Variants in SPTBN4 observed in about 807,000 individuals in gnomAD.
SPTBN4 encodes the protein spectrin beta, non-erythrocytic 4.
Under a neutral mutation model 277.8 loss-of-function variants are expected in SPTBN4, and 96 were observed. The ratio of observed to expected loss-of-function variants is 0.35; its 90% confidence interval spans 0.29 to 0.41. The LOEUF is 0.41. SPTBN4 is among the 10% of genes least tolerant of loss of function. SPTBN4 has a pLI of 1.00. For missense variants in SPTBN4, 3,006 were observed against 3,595.7 expected, an observed-to-expected ratio of 0.84 and a Z score of 4.19; for synonymous variants, 1,481 against 1,580.3, an observed-to-expected ratio of 0.94 and a Z score of 1.49.
At position 40,473,725 on chromosome 19, in the gene SPTBN4, C is replaced by A. The variant is rs551180453; in HGVS notation, c.169+935C>A. Among the ~76,000 whole-genome samples, 7 of 152,092 alleles carry A rather than the reference C, an allele frequency of 4.6e-5. No homozygotes were observed. The East Asian group carries it at 1.4e-3, about 29-fold the overall frequency. ...TGTATAGGTCAGCACAGCCTTAGAG[C>A]CTTAGAAATGTACAGTCCCAGAATG... On this transcript the variant is annotated intron_variant, in intron 2 of 35. Transcript: ENST00000598249.
In SPTBN4 at chr19:40,472,735, T is replaced by G; in HGVS notation, c.114T>G (p.Ala38=). The G allele has an allele frequency of 6.2e-7, 1 of 1,605,854 alleles. No homozygotes were observed. Among genetic ancestry groups the G allele is most frequent in the Non-Finnish European group, 8.5e-7 (1 of 1,176,178 alleles). Residue 38 remains alanine, a synonymous_variant, in exon 2 of 36, where the codon GCT becomes GCG. Coordinates refer to ENST00000598249, the MANE Select transcript of SPTBN4 (RefSeq NM_020971.3). ...PDRGWEREQP[A]ASTAAASLFE... is the part of the protein sequence containing the mutation. The stretch of plus-strand genomic sequence containing the variant: ...GGGGCTGGGAGCGGGAGCAGCCGGC[T>G]GCGTCCACCGCAGCGGCCTCGCTCT...
intron 20 of SPTBN4, among the ~76,000 whole-genome samples, chr19:40,542,158 G>T (rs1042364999): frequency 3.9e-5 from 6 of 152,306 alleles, no homozygotes; most frequent in Non-Finnish European, 1.5e-5. Context: ...CTGACCTCAG[G>T]TGATCTGCCT....
At chr19:40,571,902 G>A in intron 33 of SPTBN4, 117 bp from the exon 34 acceptor site, 2 of 1,239,324 alleles carry the variant, frequency 1.6e-6, no homozygotes, top group Non-Finnish European at 1.1e-6. Context: ...GGCGCAACTA[G>A]GGCGCAAAGG....
chr19:40,506,394 TTGGGGC>T lies in SPTBN4; in HGVS notation c.1816+22_1816+27del, dbSNP rs765087022. 39 of 1,608,904 alleles carry T rather than the reference TTGGGGC, an allele frequency of 2.4e-5. No individual in the cohort carries two copies. In the Admixed American group the frequency reaches 6.2e-4, roughly 26 times the overall value. On this transcript the variant is annotated intron_variant, in intron 13 of 35. Transcript: ENST00000598249. Reference sequence around the variant, plus strand: ...GCTTCTCCCAGCTGCAGGGTGAGTCTTGGGGCTGGGGCTGGGGCTATGGGTGGAGAC... The same window carrying T: ...GCTTCTCCCAGCTGCAGGGTGAGTCTTGGGGCTGGGGCTATGGGTGGAGAC...
intron 4 of SPTBN4, among the ~76,000 whole-genome samples, chr19:40,492,420 G>A (rs1485974775): frequency 6.6e-6 from 1 of 152,150 alleles, no homozygotes; most frequent in Non-Finnish European, 1.5e-5. Flanking sequence ...AAAGGACCAA[G>A]GAGGGAGGAT....
chr19:40,470,143 T>A (rs375129866), intron 1 of SPTBN4, among the ~76,000 whole-genome samples: 13 of 147,888 alleles, frequency 8.8e-5, no homozygotes, highest in African/African-American at 3.3e-4. Context: ...GGATTATAGG[T>A]GCACAATGCC....
intron 33 of SPTBN4, 141 bp downstream of exon 33, chr19:40,570,869 G>GGGT (rs1415534594): frequency 8.7e-6 from 8 of 924,476 alleles, no homozygotes; most frequent in African/African-American, 1.8e-5. Context: ...CAGAGCTGGG[G>GGGT]GGTGGTGGTG....
rs377536065 is a variant in SPTBN4 at position 40,515,352 on chromosome 19, G to A, written c.2807G>A (p.Arg936His). The part of the protein sequence containing the change: ...LDQEMNSLMG[R>H]VLDVNHTVQE... ...CAAGAGATGAACAGCCTGATGGGCC[G>A]CGTTCTGGACGTGAACCACACAGTC... The change falls in exon 15 of 36, where the codon CGC (arginine) becomes CAC (histidine). Residue 936 changes from arginine (R) to histidine (H), a missense_variant. Transcript: ENST00000598249. This position sits in a 1 kb window ranked among gnomAD's most constrained non-coding sequence, Gnocchi z 4.1. 4 of 1,611,094 alleles carry A rather than the reference G, an allele frequency of 2.5e-6. No homozygotes were observed. Among genetic ancestry groups the A allele is most frequent in the Admixed American group, 1.7e-5 (1 of 59,606 alleles).
intron 7 of SPTBN4, among the ~76,000 whole-genome samples, chr19:40,498,929 T>C (rs1335513492): frequency 6.6e-6 from 1 of 152,006 alleles, no homozygotes; most frequent in Non-Finnish European, 1.5e-5. Context: ...CTCAAACTCC[T>C]GACCTCAGGT....
rs149453969 is a variant in SPTBN4 at position 40,557,121 on chromosome 19, G to A, written c.5388G>A (p.Glu1796=). 6.2e-7 allele frequency: 1 copy of A among 1,610,836 alleles called. No homozygotes were observed. Among genetic ancestry groups the A allele is most frequent in the Non-Finnish European group, 8.5e-7 (1 of 1,177,540 alleles). Reference sequence around the variant, plus strand: ...ACCAGATGGTGGATGAGCTGATCGAGTGTGGCCATACAGCAGCGGCCACCA... The same window carrying A: ...ACCAGATGGTGGATGAGCTGATCGAATGTGGCCATACAGCAGCGGCCACCA... ...AVNQMVDELI[E]CGHTAAATMA... The change falls in exon 26 of 36, where the codon GAG becomes GAA. Residue 1796 remains glutamate, a synonymous_variant. Transcript: ENST00000598249.
intron 20 of SPTBN4, among the ~76,000 whole-genome samples, chr19:40,544,490 C>T (rs1444809792): frequency 6.6e-5 from 7 of 105,534 alleles, no homozygotes; most frequent in Admixed American, 4.2e-4. Flanking sequence ...TTTTGTTGCC[C>T]GGGCTGGAGT....
chr19:40,519,971 C>G lies in SPTBN4; in HGVS notation c.3474C>G (p.Ala1158=), dbSNP rs1599759507. Residue 1158 remains alanine (A), a synonymous_variant, in exon 16 of 36, where the codon GCC becomes GCG. Coordinates refer to ENST00000598249, the MANE Select transcript of SPTBN4 (RefSeq NM_020971.3). The surrounding 1 kb of genome is among the most constrained non-coding windows in gnomAD (Gnocchi z 5.7). ...RIVAASEALL[A]ADGAELGPGL... ...TGGCGGCCAGCGAGGCGCTGCTGGC[C>G]GCCGACGGCGCAGAGCTGGGCCCGG... The G allele has an allele frequency of 2.6e-6, 4 of 1,538,678 alleles. No homozygotes were observed. The highest frequency in any genetic ancestry group is 3.5e-6 in the Non-Finnish European group (4 of 1,150,088).
chr19:40,518,710 C>T (rs1478428489), intron 15 of SPTBN4, among the ~76,000 whole-genome samples: 3 of 152,132 alleles, frequency 2.0e-5, no homozygotes, highest in African/African-American at 7.2e-5. Flanking sequence ...AGGTGTGAAC[C>T]ACTGCACCCG....
chr19:40,542,833 CAG>C (rs1281825307), intron 20 of SPTBN4, among the ~76,000 whole-genome samples: 6 of 151,560 alleles, frequency 4.0e-5, no homozygotes, highest in Admixed American at 1.3e-4. Context: ...TTTTTTGAGA[CAG>C]AGTCTCACTC....
At chr19:40,510,609 TGTTGTTATTGTAACTATTATTCA>T in intron 13 of SPTBN4, among the ~76,000 whole-genome samples, 1 of 152,322 alleles carries the variant, frequency 6.6e-6, no homozygotes. Context: ...AGCAAGAAGC[TGTTGTTATTGTAACTATTATTCA>T]GTTGGATACC....
chr19:40,516,167 GGTAGAGATTGCAGTGA>G (rs2080458082), intron 15 of SPTBN4, among the ~76,000 whole-genome samples: 1 of 149,592 alleles, frequency 6.7e-6, no homozygotes, highest in African/African-American at 2.5e-5. Flanking sequence ...GAGCCCAGGA[GGTAGAGATTGCAGTGA>G]GCAGAGATTG....
intron 33 of SPTBN4, 136 bp downstream of exon 33, chr19:40,570,864 C>A: frequency 1.2e-6 from 1 of 857,654 alleles, no homozygotes; most frequent in South Asian, 3.3e-5. Flanking sequence ...GGGGCCAGAG[C>A]TGGGGGGTGG....
Position 40,487,682 on chromosome 19 carries a change from G to T in SPTBN4, c.170-15G>T. The T allele has an allele frequency of 6.2e-7, 1 of 1,605,466 alleles. No individual in the cohort carries two copies. ...GGTGGAAGCGCCTGGGGGCTCATCA[G>T]GGCCTCTCCTCCAGATGAGCGGGAA... On this transcript the variant is annotated splice_polypyrimidine_tract_variant and intron_variant, in intron 2 of 35. Transcript: ENST00000598249.
At chr19:40,532,916 C>T (rs1354134516) in intron 19 of SPTBN4, 145 bp downstream of exon 19, 4 of 1,038,220 alleles carry the variant, frequency 3.9e-6, no homozygotes, top group Non-Finnish European at 5.3e-6. Context: ...CTGCTCCTAG[C>T]TATGTGGCTT....
Sources: allele counts gnomAD v4.1 joint callset (sites outside exome capture counted in the v4.1 genomes callset), GRCh38; gene constraint gnomAD v4.1.1; non-coding constraint Gnocchi (gnomAD v3.1); transcripts MANE v1.5; gene names NCBI Gene and HGNC (gene_info 2026-07-23, HGNC 2026-07-21).